The following DHX32 variants were observed in gnomAD, a reference collection of about 807,000 sequenced individuals.
The protein encoded by DHX32 is putative pre-mRNA-splicing factor ATP-dependent RNA helicase DHX32.
DHX32 carries 51 observed loss-of-function variants against 70.0 expected under a neutral mutation model. The ratio of observed to expected loss-of-function variants is 0.73; its 90% CI spans 0.58 to 0.92. The LOEUF (loss-of-function observed/expected upper bound fraction) is 0.92. Among genes scored for constraint, DHX32 ranks in the 40% least tolerant of loss-of-function variants. DHX32 has a pLI of 0.00. For missense variants in DHX32, 762 were observed against 891.8 expected (o/e 0.85, Z 1.85); for synonymous variants, 310 against 315.3 (o/e 0.98, Z 0.18).
chr10:125,877,031 G>A (rs886459559), intron 1 of DHX32, among the ~76,000 whole-genome samples: 1 of 152,160 alleles, frequency 6.6e-6, no homozygotes, highest in Non-Finnish European at 1.5e-5. Context: ...ATAAAAATGT[G>A]TATGAATGTA....
chr10:125,883,526 T>C (rs1178282888), upstream of DHX32, among the ~76,000 whole-genome samples: 1 of 151,816 alleles, frequency 6.6e-6, no homozygotes, highest in African/African-American at 2.4e-5. Flanking sequence ...GCATAAACCT[T>C]CAACCATGTG....
At chr10:125,843,293 T>C (rs1353890563) in intron 6 of DHX32, among the ~76,000 whole-genome samples, 1 of 152,124 alleles carries the variant, frequency 6.6e-6, no homozygotes, top group African/African-American at 2.4e-5. Context: ...AATTTTCTTA[T>C]GTGCTGTCTA....
upstream of DHX32, among the ~76,000 whole-genome samples, chr10:125,883,665 G>A (rs912292276): frequency 9.2e-5 from 14 of 152,176 alleles, no homozygotes; most frequent in Non-Finnish European, 1.3e-4. Context: ...AATGGTCACT[G>A]TTTTTGTAAG....
At position 125,880,771 on chromosome 10, in the gene DHX32, A is replaced by G. The variant is rs538242642; in HGVS notation, c.54T>C (p.Phe18=). ...CATCGCTGGAATCCAGGGATTCAGGAAAATAGCGTTTTTCAGAGGAAGAGT... is the reference window on the plus strand; with the variant it reads ...CATCGCTGGAATCCAGGGATTCAGGGAAATAGCGTTTTTCAGAGGAAGAGT... ...CPNSSSEKRY[F]PESLDSSDGD... is the part of the protein sequence containing the mutation. The change falls in exon 1 of 11, where the codon TTT becomes TTC. Residue 18 remains phenylalanine (F), a synonymous_variant. Coordinates refer to ENST00000284690, the MANE Select transcript of DHX32 (RefSeq NM_018180.3). 1.2e-6 allele frequency: 2 copies of G among 1,614,208 alleles called. No homozygotes were observed. The highest frequency in any genetic ancestry group is 1.1e-5 in the South Asian group (1 of 91,066).
upstream of DHX32, among the ~76,000 whole-genome samples, chr10:125,884,230 C>T (rs1210827169): frequency 4.6e-5 from 7 of 152,180 alleles, no homozygotes; most frequent in South Asian, 4.1e-4. Context: ...TCTCCTTATT[C>T]ATCTTGCAAC....
Position 125,880,794 on chromosome 10 carries a change from A to G in DHX32, c.31T>C (p.Ser11Pro). 1 of 1,614,132 alleles carries G rather than the reference A, an allele frequency of 6.2e-7. No individual in the cohort carries two copies. Among genetic ancestry groups the G allele is most frequent in the South Asian group, 1.1e-5 (1 of 91,066 alleles). The change falls in exon 1 of 11, where the codon TCT (serine) becomes CCT (proline). Residue 11 changes from serine to proline, a missense_variant. Around this residue, in one of 3 missense-constraint regions of DHX32, gnomAD observed 394 missense variants for 473.1 expected, o/e 0.83. Coordinates refer to ENST00000284690, the MANE Select transcript of DHX32 (RefSeq NM_018180.3). ...GGAAAATAGCGTTTTTCAGAGGAAG[A>G]GTTTGGACACTCCAGCCCTTCTTCT... Reference protein sequence around the residue: MEEEGLECPNSSSEKRYFPES... With the variant: MEEEGLECPNPSSEKRYFPES...
intron 1 of DHX32, among the ~76,000 whole-genome samples, chr10:125,891,289 T>C (rs1944369227): frequency 6.6e-6 from 1 of 152,254 alleles, no homozygotes; most frequent in African/African-American, 2.4e-5. Flanking sequence ...ACTGCTGGTC[T>C]CCCCAAGTTA....
At chr10:125,839,726 G>C (rs1190228130) in intron 8 of DHX32, among the ~76,000 whole-genome samples, 1 of 152,174 alleles carries the variant, frequency 6.6e-6, no homozygotes, top group African/African-American at 2.4e-5. Context: ...TACCCTAGCT[G>C]TAACTTTTAT....
At chr10:125,852,785 A>C in intron 4 of DHX32, 143 bp from the exon 5 acceptor site, 1 of 761,718 alleles carries the variant, frequency 1.3e-6, no homozygotes, top group Non-Finnish European at 2.1e-6. Context: ...GATATTTATT[A>C]TTGTTTCACT....
Position 125,838,380 on chromosome 10 carries a change from C to G in DHX32, c.1889G>C (p.Arg630Pro). ...LLSGYFMQIA[R>P]DVDGSGNYLM... ...GTAGTTACCTGATCCATCAACATCC[C>G]GAGCAATCTGAAAGGCAGAATTTTA... The change falls in exon 10 of 11, where the codon CGG becomes CCG. Residue 630 changes from arginine to proline, a missense_variant. Physicochemically the swap from Arg to Pro is moderately radical, Grantham distance 103. This residue lies in a region of DHX32 where 366 missense variants were observed against 402.6 expected (regional missense o/e 0.91). Transcript: ENST00000284690. 6.4e-7 allele frequency: 1 copy of G among 1,569,114 alleles called. No homozygotes were observed. Among genetic ancestry groups the G allele is most frequent in the Non-Finnish European group, 8.6e-7 (1 of 1,162,242 alleles).
intron 1 of DHX32, among the ~76,000 whole-genome samples, chr10:125,891,895 C>T (rs772688128): frequency 0.027 from 4,130 of 152,126 alleles, 69 homozygotes; most frequent in Non-Finnish European, 0.042. Context: ...GGGCTCTATC[C>T]CTTACCCTCT....
Position 125,836,546 on chromosome 10 carries a change from A to G in DHX32, c.*141T>C. ...ATAAAAACTTCTATTTTTTATTTTA[A>G]AATAATATACACAGTGTTATTTTCT... On this transcript the variant is annotated 3_prime_UTR_variant, in exon 11 of 11. Coordinates refer to ENST00000284690, the MANE Select transcript of DHX32 (RefSeq NM_018180.3). 3 of 1,333,478 alleles carry G rather than the reference A, an allele frequency of 2.2e-6. No individual in the cohort carries two copies. Among genetic ancestry groups the G allele is most frequent in the Non-Finnish European group, 3.0e-6 (3 of 1,015,946 alleles). 82.6% of individuals were successfully genotyped at this position (1,333,478 alleles called of 1,614,324 possible). A position where few individuals can be genotyped will look rare whatever the true frequency, so the allele number is the denominator to read the frequency against.
chr10:125,852,110 G>A (rs1944098325), intron 6 of DHX32, among the ~76,000 whole-genome samples, 183 bp downstream of exon 6: 1 of 152,072 alleles, frequency 6.6e-6, no homozygotes, highest in Non-Finnish European at 1.5e-5. Flanking sequence ...CTAGAGGTTT[G>A]TGGGGTTTTA....
chr10:125,893,320 T>C (rs1311008244), intron 1 of DHX32, among the ~76,000 whole-genome samples: 1 of 152,224 alleles, frequency 6.6e-6, no homozygotes, highest in Non-Finnish European at 1.5e-5. Context: ...CTCGGCTCAC[T>C]GCAAGCTCCG....
chr10:125,859,045 G>GTTTTTTTTTTTTTTTTTTTTTTT (rs71029270), intron 3 of DHX32, among the ~76,000 whole-genome samples: 1 of 141,718 alleles, frequency 7.1e-6, no homozygotes. Flanking sequence ...TTGTTTGTTT[G>GTTTTTTTTTTTTTTTTTTTTTTT]TTTTTTTTTT....
intron 1 of DHX32, among the ~76,000 whole-genome samples, chr10:125,893,282 C>T (rs1306263069): frequency 1.3e-5 from 2 of 152,158 alleles, no homozygotes; most frequent in African/African-American, 4.8e-5. Context: ...CTTGCTCTGT[C>T]ACCCAGGTTG....
intron 1 of DHX32, among the ~76,000 whole-genome samples, chr10:125,894,290 T>C (rs545127467): frequency 1.3e-5 from 2 of 152,328 alleles, no homozygotes; most frequent in African/African-American, 4.8e-5. Context: ...TGTATCCCTA[T>C]ATCCAAAACA....
At chr10:125,863,704 T>C (rs1380640746) in intron 2 of DHX32, among the ~76,000 whole-genome samples, 1 of 152,068 alleles carries the variant, frequency 6.6e-6, no homozygotes, top group African/African-American at 2.4e-5. Context: ...CCGCCTTGGC[T>C]TCCCAAAGTG....
At chr10:125,884,300 T>C (rs902174130), upstream of DHX32, among the ~76,000 whole-genome samples, 2 of 152,204 alleles carry the variant, frequency 1.3e-5, no homozygotes, top group Admixed American at 1.3e-4. Context: ...CAAAGATCTA[T>C]GTCTTGGCCT....
Sources: gnomAD v4.1 joint callset for allele counts (sites outside exome capture counted in the v4.1 genomes callset) on GRCh38, gnomAD v4.1.1 for gene constraint, gnomAD v4.1.1 regional missense constraint, MANE v1.5 for transcripts, NCBI Gene and HGNC (gene_info 2026-07-23, HGNC 2026-07-21) for gene names.